The following CENPQ variants were observed in gnomAD, a reference collection of about 807,000 sequenced individuals.
CENPQ encodes centromere protein Q, also known as chromosome 6 open reading frame 139.
Under a neutral mutation model 36.6 loss-of-function variants are expected in CENPQ, and 27 were observed. The observed-to-expected ratio is 0.74, with a 90% CI of 0.54 to 1.02. CENPQ has a LOEUF of 1.02. CENPQ is among the 50% of genes least tolerant of loss of function. CENPQ has a pLI of 0.00. For missense variants in CENPQ, 306 were observed against 301.8 expected (o/e 1.01, Z -0.10); for synonymous variants, 101 against 101.7 (o/e 0.99, Z 0.04).
At chr6:49,487,622 A>C (rs1233673968) in intron 6 of CENPQ, among the ~76,000 whole-genome samples, 1 of 152,066 alleles carries the variant, frequency 6.6e-6, no homozygotes, top group African/African-American at 2.4e-5. Context: ...TGTGTGGCTT[A>C]TTTACTTGTT....
chr6:49,485,289 G>A (rs962110239), intron 6 of CENPQ, among the ~76,000 whole-genome samples: 4 of 152,056 alleles, frequency 2.6e-5, no homozygotes, highest in African/African-American at 4.8e-5. Context: ...CATTTTCATC[G>A]TGCTCTCACT....
At chr6:49,487,601 T>C (rs887491156) in intron 6 of CENPQ, among the ~76,000 whole-genome samples, 1 of 152,180 alleles carries the variant, frequency 6.6e-6, no homozygotes, top group Admixed American at 6.5e-5. Context: ...TTATTACTTA[T>C]GTATATTTTC....
At chr6:49,476,164 C>G (rs909971196) in intron 5 of CENPQ, among the ~76,000 whole-genome samples, 3 of 152,126 alleles carry the variant, frequency 2.0e-5, no homozygotes, top group Non-Finnish European at 4.4e-5. Flanking sequence ...CACTACCTGA[C>G]TTCAAACTAT....
intron 6 of CENPQ, among the ~76,000 whole-genome samples, chr6:49,483,744 C>T (rs1768510830): frequency 6.6e-6 from 1 of 152,250 alleles, no homozygotes; most frequent in Non-Finnish European, 1.5e-5. Flanking sequence ...CCACCTGGAA[C>T]TACAGCTGAC....
Position 49,492,311 on chromosome 6 carries a change from T to A in CENPQ, c.*36T>A, listed in dbSNP as rs1768742814. The A allele has an allele frequency of 4.6e-6, 7 of 1,529,296 alleles. No homozygotes were observed. The highest frequency in any genetic ancestry group is 6.2e-6 in the Non-Finnish European group (7 of 1,135,570). The allele number at this position is 1,529,296 out of a possible 1,614,324, so 94.7% of individuals were successfully genotyped here. ...TTTTTTAGATTGTTCCATATTAATT[T>A]AATGTTCGTGAATTTGTAAAACTGT... On this transcript the variant is annotated 3_prime_UTR_variant, in exon 9 of 9. Coordinates refer to ENST00000335783, the MANE Select transcript of CENPQ (RefSeq NM_018132.4).
At chr6:49,483,673 A>T (rs1446789681) in intron 6 of CENPQ, among the ~76,000 whole-genome samples, 1 of 152,180 alleles carries the variant, frequency 6.6e-6, no homozygotes, top group Non-Finnish European at 1.5e-5. Context: ...TAAGCCCCTC[A>T]TTGCCCAGGG....
At position 49,470,193 on chromosome 6, in the gene CENPQ, A is replaced by G. The variant is rs1768094776; in HGVS notation, c.17A>G (p.Asn6Ser). ...TAGATCAAGATGTCTGGTAAAGCAA[A>G]TGCTTCCAAGAAAAACGCTCAACAG... MSGKA[N>S]ASKKNAQQLK... The change falls in exon 2 of 9, where the codon AAT becomes AGT. Residue 6 changes from asparagine (N) to serine (S), a missense_variant. Physicochemically the swap from Asn to Ser is conservative, Grantham distance 46. Coordinates refer to ENST00000335783, the MANE Select transcript of CENPQ (RefSeq NM_018132.4). The G allele has an allele frequency of 1.2e-6, 2 of 1,606,768 alleles. No homozygotes were observed. The highest frequency in any genetic ancestry group is 2.7e-5 in the African/African-American group (2 of 74,416).
intron 8 of CENPQ, 38 bp from the exon 9 acceptor site, chr6:49,492,106 A>C (rs910915278): frequency 1.3e-6 from 2 of 1,520,218 alleles, no homozygotes; most frequent in East Asian, 2.3e-5. Flanking sequence ...CTCATAATAA[A>C]ATGTTAACAA....
chr6:49,471,237 C>T (rs1768126754), intron 3 of CENPQ, among the ~76,000 whole-genome samples: 1 of 152,172 alleles, frequency 6.6e-6, no homozygotes, highest in South Asian at 2.1e-4. Context: ...ACTGTAGAGG[C>T]TTCAATGCCA....
At chr6:49,473,771 C>T (rs1313619128) in intron 5 of CENPQ, among the ~76,000 whole-genome samples, 1 of 152,118 alleles carries the variant, frequency 6.6e-6, no homozygotes, top group African/African-American at 2.4e-5. Flanking sequence ...ATTCAGGAGA[C>T]CCATCTCATG....
At chr6:49,477,044 A>G (rs1039012698) in intron 5 of CENPQ, among the ~76,000 whole-genome samples, 5 of 152,238 alleles carry the variant, frequency 3.3e-5, no homozygotes, top group Non-Finnish European at 5.9e-5. Flanking sequence ...TAGAAATACC[A>G]TTTGATCTAG....
rs1486763164 is a variant in CENPQ, at chr6:49,488,568, C to G, written c.598-39C>G. ...TCGAGTATAATATGATGAGAGAAAT[C>G]AGCTTTTTGAAATAATCTGTAGCTT... On this transcript the variant is annotated intron_variant, in intron 7 of 8. Transcript: ENST00000335783. 6.3e-6 allele frequency: 10 copies of G among 1,597,318 alleles called. No homozygotes were observed. The African/African-American group carries it at 6.7e-5, about 11-fold the overall frequency.
chr6:49,492,518 C>A lies in CENPQ; in HGVS notation c.*243C>A. ...ATATTGCTGTATCTATAAGTATTTG[C>A]CTAAAACCATAAAATAGGAATTGCC... On this transcript the variant is annotated 3_prime_UTR_variant, in exon 9 of 9. Coordinates refer to ENST00000335783, the MANE Select transcript of CENPQ (RefSeq NM_018132.4). The A allele has an allele frequency of 1.5e-5, 5 of 330,114 alleles. No homozygotes were observed. Among genetic ancestry groups the A allele is most frequent in the Non-Finnish European group, 2.2e-5 (4 of 185,228 alleles). The allele number at this position is 330,114 out of a possible 1,614,324, so 20.4% of individuals were successfully genotyped here.
At chr6:49,489,054 T>G (rs1304059843) in intron 8 of CENPQ, among the ~76,000 whole-genome samples, 1 of 152,194 alleles carries the variant, frequency 6.6e-6, no homozygotes, top group Non-Finnish European at 1.5e-5. Flanking sequence ...CATGTGGCAA[T>G]TTCTTAAAAT....
chr6:49,468,397 G>A (rs1428963076), intron 1 of CENPQ, among the ~76,000 whole-genome samples: 4 of 151,874 alleles, frequency 2.6e-5, no homozygotes, highest in South Asian at 2.1e-4. Flanking sequence ...GTTCGAGACC[G>A]GCCTGAACAA....
At chr6:49,488,270 T>A in intron 6 of CENPQ, 82 bp from the exon 7 acceptor site, 1 of 1,040,886 alleles carries the variant, frequency 9.6e-7, no homozygotes. Context: ...TTTTTTAAAA[T>A]GTGTATGTAT....
intron 1 of CENPQ, among the ~76,000 whole-genome samples, chr6:49,467,515 C>T (rs965327232): frequency 6.6e-6 from 1 of 152,110 alleles, no homozygotes; most frequent in Non-Finnish European, 1.5e-5. Context: ...TAAAAAAATA[C>T]TAATTACTAG....
chr6:49,466,657 C>T (rs1488588908), intron 1 of CENPQ, among the ~76,000 whole-genome samples: 1 of 152,154 alleles, frequency 6.6e-6, no homozygotes, highest in Non-Finnish European at 1.5e-5. Context: ...TTTATATGCA[C>T]TGTGAGTAGC....
At chr6:49,477,629 C>G (rs1225465913) in intron 5 of CENPQ, among the ~76,000 whole-genome samples, 1 of 151,116 alleles carries the variant, frequency 6.6e-6, no homozygotes, top group Admixed American at 6.6e-5. Flanking sequence ...ATATTTGTGA[C>G]CTATTTTAAG....
Sources: gnomAD v4.1 joint callset for allele counts (sites outside exome capture counted in the v4.1 genomes callset) on GRCh38, gnomAD v4.1.1 for gene constraint, MANE v1.5 for transcripts, NCBI Gene and HGNC (gene_info 2026-07-23, HGNC 2026-07-21) for gene names.